Variants in DRC11 observed in about 807,000 individuals in gnomAD.
DRC11 encodes dynein regulatory complex subunit 11, also known as IQ and AAA domain-containing protein 1.
chr2:236,366,975 A>ATTTTTTTT, the DRC11 span, among the ~76,000 whole-genome samples: 1 of 127,392 alleles, frequency 7.8e-6, no homozygotes. Flanking sequence ...ACACCCGGCT[A>ATTTTTTTT]TTTTTTTTTT....
chr2:236,469,106 A>G, the DRC11 span, among the ~76,000 whole-genome samples: 1 of 152,238 alleles, frequency 6.6e-6, no homozygotes, highest in African/African-American at 2.4e-5. The surrounding 1 kb of genome is among the most constrained non-coding windows in gnomAD (Gnocchi z 5.8). Context: ...CTCAGCTGTC[A>G]TTGGATTTTC....
At chr2:236,355,745 CTCTCTG>C in the DRC11 span, among the ~76,000 whole-genome samples, 23 of 107,900 alleles carry the variant, frequency 2.1e-4, no homozygotes, top group Non-Finnish European at 3.7e-4. Flanking sequence ...CTCTCTCTCT[CTCTCTG>C]TGTGTGTGTG....
the DRC11 span, among the ~76,000 whole-genome samples, chr2:236,431,617 T>C: frequency 6.6e-6 from 1 of 152,236 alleles, no homozygotes; most frequent in Non-Finnish European, 1.5e-5. The surrounding 1 kb of genome is among the most constrained non-coding windows in gnomAD (Gnocchi z 4.2). Flanking sequence ...TTTCTGTGTC[T>C]ACAGGTTTAC....
At chr2:236,402,900 A>C in the DRC11 span, among the ~76,000 whole-genome samples, 522 of 152,306 alleles carry the variant, frequency 3.4e-3, 4 homozygotes, top group Non-Finnish European at 1.2e-3. The surrounding 1 kb of genome is among the most constrained non-coding windows in gnomAD (Gnocchi z 6.0). Context: ...AAATCACTTT[A>C]ATTAGTATAT....
the DRC11 span, among the ~76,000 whole-genome samples, chr2:236,492,942 A>C: frequency 1.2e-4 from 19 of 152,348 alleles, no homozygotes; most frequent in South Asian, 3.9e-3. Context: ...TTTATGGATT[A>C]TTCTTCCCCC....
At chr2:236,443,171 G>T in the DRC11 span, among the ~76,000 whole-genome samples, 1 of 152,168 alleles carries the variant, frequency 6.6e-6, no homozygotes, top group Admixed American at 6.5e-5. This position sits in a 1 kb window ranked among gnomAD's most constrained non-coding sequence, Gnocchi z 4.4. Context: ...TAAAATAAAA[G>T]TCGAAGGAAA....
At chr2:236,464,319 A>G in the DRC11 span, among the ~76,000 whole-genome samples, 6 of 152,208 alleles carry the variant, frequency 3.9e-5, no homozygotes, top group African/African-American at 1.4e-4. Flanking sequence ...TTGGCGTCAG[A>G]GCATCTTGAG....
the DRC11 span, among the ~76,000 whole-genome samples, chr2:236,455,354 C>T: frequency 6.6e-6 from 1 of 152,220 alleles, no homozygotes; most frequent in East Asian, 1.9e-4. The surrounding 1 kb of genome is among the most constrained non-coding windows in gnomAD (Gnocchi z 5.7). Context: ...ATGACAGCTT[C>T]CTGGGGCAGC....
the DRC11 span, among the ~76,000 whole-genome samples, chr2:236,383,566 T>C: frequency 2.6e-5 from 4 of 152,272 alleles, no homozygotes; most frequent in East Asian, 5.8e-4. Flanking sequence ...TAGGCATTTA[T>C]TGTGAAAAAC....
chr2:236,419,983 G>A, the DRC11 span, among the ~76,000 whole-genome samples: 1 of 152,124 alleles, frequency 6.6e-6, no homozygotes, highest in East Asian at 1.9e-4. The surrounding 1 kb of genome is among the most constrained non-coding windows in gnomAD (Gnocchi z 4.8). Context: ...TTCCTGTTTG[G>A]CCCCCAGGGC....
the DRC11 span, among the ~76,000 whole-genome samples, chr2:236,447,367 AAG>A: frequency 1.3e-5 from 2 of 151,684 alleles, no homozygotes; most frequent in African/African-American, 4.9e-5. The surrounding 1 kb of genome is among the most constrained non-coding windows in gnomAD (Gnocchi z 4.6). Flanking sequence ...AGATGCTGTG[AAG>A]AGACGCTGGG....
At chr2:236,469,349 G>A in the DRC11 span, among the ~76,000 whole-genome samples, 1 of 152,166 alleles carries the variant, frequency 6.6e-6, no homozygotes, top group Non-Finnish European at 1.5e-5. The surrounding 1 kb of genome is among the most constrained non-coding windows in gnomAD (Gnocchi z 5.8). Context: ...GGGACTATAG[G>A]AGTGCACCAC....
the DRC11 span, among the ~76,000 whole-genome samples, chr2:236,425,150 C>A: frequency 2.0e-5 from 3 of 152,122 alleles, no homozygotes; most frequent in Non-Finnish European, 4.4e-5. Context: ...CTTTGACACA[C>A]TGATTTCATT....
At chr2:236,449,946 T>C in the DRC11 span, among the ~76,000 whole-genome samples, 4 of 152,128 alleles carry the variant, frequency 2.6e-5, no homozygotes, top group African/African-American at 9.7e-5. This position sits in a 1 kb window ranked among gnomAD's most constrained non-coding sequence, Gnocchi z 5.1. Flanking sequence ...GAAACCCCTA[T>C]GTGTGTATTT....
the DRC11 span, among the ~76,000 whole-genome samples, chr2:236,495,432 C>A: frequency 9.0e-3 from 1,367 of 152,332 alleles, 25 homozygotes; most frequent in African/African-American, 0.03. The surrounding 1 kb of genome is among the most constrained non-coding windows in gnomAD (Gnocchi z 5.6). Flanking sequence ...GTTGCTCCAT[C>A]TATGTCCATG....
At chr2:236,412,993 G>A in the DRC11 span, 1 of 152,230 alleles carries the variant, frequency 6.6e-6, no homozygotes, top group African/African-American at 2.4e-5. Context: ...TGGAGATGGG[G>A]AGATGTGGGC....
the DRC11 span, chr2:236,408,088 C>T: frequency 3.4e-5 from 21 of 616,358 alleles, 1 homozygote; most frequent in South Asian, 2.8e-4. This position sits in a 1 kb window ranked among gnomAD's most constrained non-coding sequence, Gnocchi z 5.5. Flanking sequence ...GACAAAGCCA[C>T]TGGTCACTTC....
the DRC11 span, chr2:236,497,312 A>C: frequency 6.2e-7 from 1 of 1,613,976 alleles, no homozygotes; most frequent in Non-Finnish European, 8.5e-7. This position sits in a 1 kb window ranked among gnomAD's most constrained non-coding sequence, Gnocchi z 5.1. Flanking sequence ...GGGTGGACGA[A>C]CTGGTCGTAG....
chr2:236,447,411 G>C, the DRC11 span, among the ~76,000 whole-genome samples: 1 of 151,648 alleles, frequency 6.6e-6, no homozygotes, highest in African/African-American at 2.4e-5. This position sits in a 1 kb window ranked among gnomAD's most constrained non-coding sequence, Gnocchi z 4.6. Context: ...GGACAGAAAG[G>C]TCCCTGGTGC....
Sources: allele counts gnomAD v4.1 joint callset (sites outside exome capture counted in the v4.1 genomes callset), GRCh38; gene constraint gnomAD v4.1.1; non-coding constraint Gnocchi (gnomAD v3.1); transcripts MANE v1.5; gene names NCBI Gene and HGNC (gene_info 2026-07-23, HGNC 2026-07-21).